PTP4A2: variants seen among roughly 807,000 people sequenced by gnomAD.
PTP4A2 encodes protein tyrosine phosphatase type IVA 2.
Under a neutral mutation model 22.9 loss-of-function variants are expected in PTP4A2, and 2 were observed. That is an observed-to-expected ratio of 0.09 (90% CI 0.04 to 0.27). The LOEUF (loss-of-function observed/expected upper bound fraction) is 0.27. PTP4A2 is among the 10% of genes least tolerant of loss of function. The pLI is 1.00. For missense variants in PTP4A2, 103 were observed against 205.1 expected, an observed-to-expected ratio of 0.50 and a Z score of 3.04; for synonymous variants, 68 against 69.1, an observed-to-expected ratio of 0.98 and a Z score of 0.08.
intron 2 of PTP4A2, 71 bp from the exon 3 acceptor site, chr1:31,916,058 A>AT: frequency 9.3e-7 from 1 of 1,070,794 alleles, no homozygotes; most frequent in South Asian, 1.5e-5. Flanking sequence ...GAAATGTACT[A>AT]TTATAGGCCG....
chr1:31,930,743 T>C (rs1372518040), intron 1 of PTP4A2, among the ~76,000 whole-genome samples: 1 of 152,220 alleles, frequency 6.6e-6, no homozygotes, highest in Non-Finnish European at 1.5e-5. Flanking sequence ...TTGAAGCTGC[T>C]GGTGGCCTTT....
intron 1 of PTP4A2, among the ~76,000 whole-genome samples, chr1:31,932,134 C>T (rs968576170): frequency 6.6e-6 from 1 of 152,166 alleles, no homozygotes. Context: ...CATTAGTTAA[C>T]AGCCAACATA....
intron 1 of PTP4A2, among the ~76,000 whole-genome samples, chr1:31,929,943 A>C (rs2124256666): frequency 6.6e-6 from 1 of 152,342 alleles, no homozygotes; most frequent in South Asian, 2.1e-4. Flanking sequence ...TGCAAAATAG[A>C]TACTTGGGAA....
chr1:31,917,358 A>G (rs1651901611), intron 2 of PTP4A2, among the ~76,000 whole-genome samples: 1 of 152,218 alleles, frequency 6.6e-6, no homozygotes, highest in South Asian at 2.1e-4. Context: ...AATTATTTTA[A>G]TTGCTAAAGG....
chr1:31,916,101 T>G (rs1388722082), intron 2 of PTP4A2, 114 bp from the exon 3 acceptor site: 1 of 628,236 alleles, frequency 1.6e-6, no homozygotes, highest in Non-Finnish European at 2.7e-6. Context: ...ATCCCAGCAC[T>G]TTGGGAGGCC....
intron 1 of PTP4A2, among the ~76,000 whole-genome samples, chr1:31,926,589 C>T (rs987322644): frequency 6.6e-6 from 1 of 152,164 alleles, no homozygotes; most frequent in Non-Finnish European, 1.5e-5. Context: ...AAAATCTAAT[C>T]TGTCAACAGT....
At chr1:31,923,456 T>C (rs954914380) in intron 1 of PTP4A2, among the ~76,000 whole-genome samples, 7 of 146,462 alleles carry the variant, frequency 4.8e-5, no homozygotes, top group Admixed American at 4.2e-4. Flanking sequence ...TGCCTCAGCC[T>C]CCCGAGTAGC....
At chr1:31,916,310 A>C (rs1157207778) in intron 2 of PTP4A2, among the ~76,000 whole-genome samples, 2 of 135,670 alleles carry the variant, frequency 1.5e-5, no homozygotes, top group Admixed American at 8.8e-5. Flanking sequence ...GTGCCACTGC[A>C]CTCCAGCCTG....
At chr1:31,925,971 A>T (rs1304767905) in intron 1 of PTP4A2, among the ~76,000 whole-genome samples, 2 of 151,368 alleles carry the variant, frequency 1.3e-5, no homozygotes, top group Non-Finnish European at 2.9e-5. Flanking sequence ...TCTACTAAAA[A>T]TACAAAAATT....
At chr1:31,919,867 C>T (rs1358081989) in intron 1 of PTP4A2, among the ~76,000 whole-genome samples, 1 of 152,058 alleles carries the variant, frequency 6.6e-6, no homozygotes, top group Admixed American at 6.6e-5. Context: ...TGGCTGATGC[C>T]TGTAATCCTA....
intron 3 of PTP4A2, chr1:31,913,984 C>T (rs940175889): frequency 4.7e-6 from 2 of 422,530 alleles, no homozygotes; most frequent in Admixed American, 5.3e-5. Flanking sequence ...TGTTTACACT[C>T]ATTCCCAGTG....
chr1:31,926,265 G>A (rs1173675826), intron 1 of PTP4A2, among the ~76,000 whole-genome samples: 2 of 150,500 alleles, frequency 1.3e-5, no homozygotes, highest in Non-Finnish European at 3.0e-5. Context: ...CTAATTTGGT[G>A]AGCTACGCCA....
chr1:31,930,610 G>C (rs1652686179), intron 1 of PTP4A2, among the ~76,000 whole-genome samples: 1 of 152,114 alleles, frequency 6.6e-6, no homozygotes, highest in African/African-American at 2.4e-5. Context: ...CTATAACTGG[G>C]TAAGTTACAC....
chr1:31,932,477 G>T (rs1410319232), intron 1 of PTP4A2, among the ~76,000 whole-genome samples: 2 of 152,180 alleles, frequency 1.3e-5, no homozygotes, highest in Non-Finnish European at 2.9e-5. Flanking sequence ...TTAAAATGAA[G>T]TGGATGCTGT....
chr1:31,930,765 G>C (rs1052908310), intron 1 of PTP4A2, among the ~76,000 whole-genome samples: 2 of 152,154 alleles, frequency 1.3e-5, no homozygotes, highest in Non-Finnish European at 1.5e-5. Flanking sequence ...AAAATGTACT[G>C]TCTATCCACT....
At chr1:31,915,826 C>T in intron 3 of PTP4A2, 69 bp downstream of exon 3, 1 of 1,071,160 alleles carries the variant, frequency 9.3e-7, no homozygotes, top group Non-Finnish European at 1.4e-6. Context: ...TGCACCTGGC[C>T]TAGTTTTATA....
intron 1 of PTP4A2, chr1:31,932,552 C>T (rs1291792340): frequency 6.6e-6 from 1 of 152,222 alleles, no homozygotes; most frequent in Non-Finnish European, 1.5e-5. Flanking sequence ...ATTCAAGTCA[C>T]ATAAAAAATA....
At chr1:31,909,936 A>C (rs1238416355) in intron 5 of PTP4A2, 102 bp downstream of exon 5, 4 of 1,068,292 alleles carry the variant, frequency 3.7e-6, no homozygotes, top group Non-Finnish European at 5.4e-6. Flanking sequence ...AAGCCAAAAA[A>C]AGCAAATTAT....
rs890317200 is a variant in PTP4A2 at position 31,919,545 on chromosome 1, C to T, written c.-480G>A. The T allele has an allele frequency of 1.3e-5, 2 of 152,640 alleles. No individual in the cohort carries two copies. The highest frequency in any genetic ancestry group is 4.8e-5 in the African/African-American group (2 of 41,390). The allele number at this position is 152,640 out of a possible 1,614,324, so 9.5% of individuals were successfully genotyped here. A position where few individuals can be genotyped will look rare whatever the true frequency, so the allele number is the denominator to read the frequency against. On this transcript the variant is annotated 5_prime_UTR_variant, in exon 2 of 6. Coordinates refer to ENST00000647444, the MANE Select transcript of PTP4A2 (RefSeq NM_080391.4). ...GTCTTCAAGGCAATGTTAATTATGG[C>T]ACATAGAACCTCCAAGCTCACTTGT... is the stretch of plus-strand genomic sequence containing the variant.
Sources: gnomAD v4.1 joint callset for allele counts (sites outside exome capture counted in the v4.1 genomes callset) on GRCh38, gnomAD v4.1.1 for gene constraint, MANE v1.5 for transcripts, NCBI Gene and HGNC (gene_info 2026-07-23, HGNC 2026-07-21) for gene names.